LCN10: variants seen among roughly 807,000 people sequenced by gnomAD.
LCN10 encodes epididymal-specific lipocalin-10.
LCN10 carries 18 observed loss-of-function variants against 25.1 expected under a neutral mutation model. The ratio of observed to expected loss-of-function variants is 0.72; its 90% CI spans 0.50 to 1.06. The LOEUF (loss-of-function observed/expected upper bound fraction) is 1.06. LCN10 is among the 50% of genes least tolerant of loss of function. The pLI, the probability that LCN10 is intolerant of heterozygous loss-of-function variation, is 0.00. For missense variants in LCN10, 257 were observed against 258.9 expected (o/e 0.99, Z 0.05); for synonymous variants, 130 against 116.7 (o/e 1.11, Z -0.73).
chr9:136,740,758 C>G lies in LCN10; in HGVS notation c.475+78G>C. ...CCTGCCCGCCTCACCTCCTGCCCGGCCCCCTGTGCCCAGCGCCCCTCTATG... is the reference window on the plus strand; with the variant it reads ...CCTGCCCGCCTCACCTCCTGCCCGGGCCCCTGTGCCCAGCGCCCCTCTATG... On this transcript the variant is annotated intron_variant, in intron 4 of 5. Coordinates refer to ENST00000497771, the MANE Select transcript of LCN10 (RefSeq NM_001001712.3). The surrounding 1 kb of genome is among the most constrained non-coding windows in gnomAD (Gnocchi z 5.3). The G allele has an allele frequency of 9.1e-7, 1 of 1,094,182 alleles. No individual in the cohort carries two copies. Among genetic ancestry groups the G allele is most frequent in the Non-Finnish European group, 1.3e-6 (1 of 770,474 alleles). The allele number at this position is 1,094,182 out of a possible 1,614,324, so 67.8% of individuals were successfully genotyped here. A position where few individuals can be genotyped will look rare whatever the true frequency, so the allele number is the denominator to read the frequency against.
intron 2 of LCN10, 196 bp downstream of exon 2, chr9:136,741,685 C>T (rs960384150): frequency 2.6e-6 from 2 of 763,984 alleles, no homozygotes; most frequent in Non-Finnish European, 4.1e-6. Flanking sequence ...CTGCAGGCAG[C>T]TTCCTCCCAA....
chr9:136,741,177 A>G, intron 3 of LCN10, 75 bp downstream of exon 3: 1 of 1,318,194 alleles, frequency 7.6e-7, no homozygotes, highest in South Asian at 1.2e-5. Flanking sequence ...TCTCGGGGAC[A>G]AGGGGCCTGC....
chr9:136,741,062 G>T, intron 3 of LCN10, 119 bp from the exon 4 acceptor site: 1 of 1,031,790 alleles, frequency 9.7e-7, no homozygotes, highest in Non-Finnish European at 1.5e-6. Flanking sequence ...GGTGTCCAGA[G>T]GGACTGAGTG....
chr9:136,740,299 GC>G lies in LCN10; in HGVS notation c.476-252del, dbSNP rs1488516839. The G allele has an allele frequency of 1.8e-6, 1 of 541,448 alleles. No homozygotes were observed. The highest frequency in any genetic ancestry group is 3.4e-6 in the Non-Finnish European group (1 of 298,436). The allele number at this position is 541,448 out of a possible 1,614,324, so 33.5% of individuals were successfully genotyped here. ...CTGCCTGCAGAGTCCCCTCCAGCCA[GC>G]CCCTCAGCTGTGCCCCAGCTTGCTG... On this transcript the variant is annotated intron_variant, in intron 4 of 5. Coordinates refer to ENST00000497771, the MANE Select transcript of LCN10 (RefSeq NM_001001712.3). The surrounding 1 kb of genome is among the most constrained non-coding windows in gnomAD (Gnocchi z 5.3).
At chr9:136,742,133 T>C in intron 1 of LCN10, 113 bp from the exon 2 acceptor site, 1 of 1,359,070 alleles carries the variant, frequency 7.4e-7, no homozygotes. Flanking sequence ...TGAGCCGGAG[T>C]CCCAGCTCCG....
intron 1 of LCN10, 145 bp from the exon 2 acceptor site, chr9:136,742,165 G>A (rs756812786): frequency 9.8e-6 from 10 of 1,024,004 alleles, no homozygotes; most frequent in East Asian, 5.2e-5. Flanking sequence ...CCTCGGTCCC[G>A]GCCACTCAAG....
chr9:136,739,912 T>G lies in LCN10; in HGVS notation c.574+38A>C. The G allele has an allele frequency of 6.8e-7, 1 of 1,474,248 alleles. No homozygotes were observed. The highest frequency in any genetic ancestry group is 9.3e-7 in the Non-Finnish European group (1 of 1,073,976). 91.3% of individuals were successfully genotyped at this position (1,474,248 alleles called of 1,614,324 possible). ...TCAGCTCCCCAATGGGACGGGCAGGTAGGGCCAGGAGGGCAAAGGGCTGAG... is the reference window on the plus strand; with the variant it reads ...TCAGCTCCCCAATGGGACGGGCAGGGAGGGCCAGGAGGGCAAAGGGCTGAG... On this transcript the variant is annotated intron_variant, in intron 5 of 5. Transcript: ENST00000497771. The surrounding 1 kb of genome is among the most constrained non-coding windows in gnomAD (Gnocchi z 6.1).
At chr9:136,741,821 C>G in intron 2 of LCN10, 60 bp downstream of exon 2, 1 of 1,534,806 alleles carries the variant, frequency 6.5e-7, no homozygotes, top group South Asian at 1.2e-5. Context: ...TTTCCAGCCC[C>G]GAGGCAGCTC....
rs965007154 is a variant in LCN10 at position 136,739,083 on chromosome 9, C to T, written c.*442G>A. ...CCTAACGCAGCCGCAGGGGCCAGCA[C>T]GCTGCCTGGCACGTCATGGGGGCTC... On this transcript the variant is annotated 3_prime_UTR_variant, in exon 6 of 6. Transcript: ENST00000497771. This position sits in a 1 kb window ranked among gnomAD's most constrained non-coding sequence, Gnocchi z 6.1. 9.2e-6 allele frequency: 2 copies of T among 216,936 alleles called. No individual in the cohort carries two copies. Among genetic ancestry groups the T allele is most frequent in the East Asian group, 1.2e-4 (1 of 8,106 alleles). 13.4% of individuals were successfully genotyped at this position (216,936 alleles called of 1,614,324 possible). A position where few individuals can be genotyped will look rare whatever the true frequency, so the allele number is the denominator to read the frequency against.
In LCN10 at chr9:136,740,865, G is replaced by T; in HGVS notation, c.446C>A (p.Thr149Asn). The T allele has an allele frequency of 6.2e-7, 1 of 1,613,498 alleles. No homozygotes were observed. The highest frequency in any genetic ancestry group is 8.5e-7 in the Non-Finnish European group (1 of 1,179,818). The change falls in exon 4 of 6, where the codon ACC (threonine) becomes AAC (asparagine). Residue 149 changes from threonine (T) to asparagine (N), a missense_variant. Physicochemically the swap from Thr to Asn is moderately conservative, Grantham distance 65 (BLOSUM62 0). Transcript: ENST00000497771. The surrounding 1 kb of genome is among the most constrained non-coding windows in gnomAD (Gnocchi z 5.3). ...GLVYLRLGRA[T>N]QNYKNLLLFH... is the part of the protein sequence containing the mutation. ...GAGCAGCAGGTTCTTGTAGTTTTGG[G>T]TTGCACGCCCCAGGCGGAGGTAGAC... is the stretch of plus-strand genomic sequence containing the variant.
At chr9:136,742,207 C>T (rs1846952227) in intron 1 of LCN10, 187 bp from the exon 2 acceptor site, 2 of 699,328 alleles carry the variant, frequency 2.9e-6, no homozygotes, top group Non-Finnish European at 4.6e-6. Context: ...TGCAGAGAAG[C>T]AGGTGCCCGG....
chr9:136,741,276 C>T lies in LCN10; in HGVS notation c.343G>A (p.Gly115Ser). The T allele has an allele frequency of 6.2e-7, 1 of 1,613,584 alleles. No individual in the cohort carries two copies. Reference sequence around the variant, plus strand: ...CCTCCCTCCTGTCCTTCCCTCGGGCCCGCCGCGTATGCACAGGCGTTCCCA... The same window carrying T: ...CCTCCCTCCTGTCCTTCCCTCGGGCTCGCCGCGTATGCACAGGCGTTCCCA... The part of the protein sequence containing the change: ...VFGNACAYAA[G>S]PREGQEGVKG... Residue 115 changes from glycine to serine, a missense_variant, in exon 3 of 6, where the codon GGC (glycine) becomes AGC (serine). Physicochemically the swap from Gly to Ser is moderately conservative, Grantham distance 56 (BLOSUM62 0). Transcript: ENST00000497771.
rs1329091452 is a variant in LCN10, at chr9:136,738,394, TG to T, written c.*1130del. 1 of 152,242 alleles carries T rather than the reference TG, an allele frequency of 6.6e-6. No homozygotes were observed. The highest frequency in any genetic ancestry group is 2.4e-5 in the African/African-American group (1 of 41,458). The allele number at this position is 152,242 out of a possible 1,614,324, so 9.4% of individuals were successfully genotyped here. A position where few individuals can be genotyped will look rare whatever the true frequency, so the allele number is the denominator to read the frequency against. Reference sequence around the variant, plus strand: ...TATTCATGAAAGGAGAAGCGTGTACTGGTCCAGCTGAGCAAATTCTCCATGG... The same window carrying T: ...TATTCATGAAAGGAGAAGCGTGTACTGTCCAGCTGAGCAAATTCTCCATGG... On this transcript the variant is annotated 3_prime_UTR_variant, in exon 6 of 6. Coordinates refer to ENST00000497771, the MANE Select transcript of LCN10 (RefSeq NM_001001712.3).
chr9:136,739,817 G>A lies in LCN10; in HGVS notation c.574+133C>T, dbSNP rs1319005373. 2 of 867,212 alleles carry A rather than the reference G, an allele frequency of 2.3e-6. No homozygotes were observed. The highest frequency in any genetic ancestry group is 3.8e-6 in the Non-Finnish European group (2 of 530,766). 53.7% of individuals were successfully genotyped at this position (867,212 alleles called of 1,614,324 possible). A position where few individuals can be genotyped will look rare whatever the true frequency, so the allele number is the denominator to read the frequency against. On this transcript the variant is annotated intron_variant, in intron 5 of 5. Coordinates refer to ENST00000497771, the MANE Select transcript of LCN10 (RefSeq NM_001001712.3). This position sits in a 1 kb window ranked among gnomAD's most constrained non-coding sequence, Gnocchi z 6.1. The stretch of plus-strand genomic sequence containing the variant: ...TCTCAGGGGCGGCAGGAGGTGGGAG[G>A]CACGTTTGGGCGGATCTTTCAAATG...
At position 136,742,820 on chromosome 9, in the gene LCN10, G is replaced by GTAC; in HGVS notation, c.81_83dup (p.Trp27_Tyr28insTer). ...AGTTGAGGGCGTGGGACTCCCTGGG[G>GTAC]TACCACTCCTGCACCTGGGACCCTG... On this transcript the variant is annotated stop_gained, in exon 1 of 6. Coordinates refer to ENST00000497771, the MANE Select transcript of LCN10 (RefSeq NM_001001712.3). LOFTEE classifies it high-confidence loss of function. The GTAC allele has an allele frequency of 6.2e-7, 1 of 1,613,540 alleles. No homozygotes were observed. Among genetic ancestry groups the GTAC allele is most frequent in the African/African-American group, 1.3e-5 (1 of 75,038 alleles).
intron 2 of LCN10, 188 bp downstream of exon 2, chr9:136,741,693 C>T: frequency 2.4e-6 from 2 of 829,498 alleles, no homozygotes; most frequent in Non-Finnish European, 3.7e-6. Context: ...AGCTTCCTCC[C>T]AACACCCACC....
In LCN10 at chr9:136,739,787, C is replaced by A. The variant is rs1265736243; in HGVS notation, c.574+163G>T. 15 of 785,794 alleles carry A rather than the reference C, an allele frequency of 1.9e-5. No homozygotes were observed. Among genetic ancestry groups the A allele is most frequent in the Non-Finnish European group, 3.2e-5 (15 of 466,116 alleles). The allele number at this position is 785,794 out of a possible 1,614,324, so 48.7% of individuals were successfully genotyped here. A position where few individuals can be genotyped will look rare whatever the true frequency, so the allele number is the denominator to read the frequency against. ...GGTGCCAGGCCTGCCAGGCCAAGCC[C>A]CGATTCTCAGGGGCGGCAGGAGGTG... On this transcript the variant is annotated intron_variant, in intron 5 of 5. Coordinates refer to ENST00000497771, the MANE Select transcript of LCN10 (RefSeq NM_001001712.3). This position sits in a 1 kb window ranked among gnomAD's most constrained non-coding sequence, Gnocchi z 6.1.
rs1375243952 is a variant in LCN10, at chr9:136,742,784, C to T, written c.117+3G>A. On this transcript the variant is annotated splice_donor_region_variant and intron_variant, in intron 1 of 5. Coordinates refer to ENST00000497771, the MANE Select transcript of LCN10 (RefSeq NM_001001712.3). Reference sequence around the variant, plus strand: ...GCTCAGGGACCAGTGGCACATGGCTCACCTTGTTCCAGTTGAGGGCGTGGG... The same window carrying T: ...GCTCAGGGACCAGTGGCACATGGCTTACCTTGTTCCAGTTGAGGGCGTGGG... The T allele has an allele frequency of 6.2e-7, 1 of 1,613,240 alleles. No homozygotes were observed. Among genetic ancestry groups the T allele is most frequent in the Admixed American group, 1.7e-5 (1 of 59,996 alleles).
At chr9:136,741,822 G>A (rs377440691) in intron 2 of LCN10, 59 bp downstream of exon 2, 125 of 1,536,232 alleles carry the variant, frequency 8.1e-5, no homozygotes, top group East Asian at 6.5e-4. Context: ...TTCCAGCCCC[G>A]AGGCAGCTCC....
Sources: gnomAD v4.1 joint callset for allele counts on GRCh38, gnomAD v4.1.1 for gene constraint, Gnocchi (gnomAD v3.1) non-coding constraint, MANE v1.5 for transcripts, NCBI Gene and HGNC (gene_info 2026-07-23, HGNC 2026-07-21) for gene names.